The following CDK13 variants were observed in gnomAD, a reference collection of about 807,000 sequenced individuals.
The protein encoded by CDK13 is cyclin-dependent kinase 13.
In CDK13, 40 loss-of-function variants were observed where a neutral mutation model predicts 137.6. The observed-to-expected ratio is 0.29, with a 90% CI of 0.23 to 0.38. The LOEUF (loss-of-function observed/expected upper bound fraction) is 0.38, where lower values mean the gene tolerates loss of function less well. CDK13 is among the 10% of genes least tolerant of loss of function. The pLI is 1.00. For synonymous variants in CDK13, 869 were observed against 760.1 expected, an observed-to-expected ratio of 1.14 and a Z score of -2.36; for missense variants, 1,704 against 1,951.8, an observed-to-expected ratio of 0.87 and a Z score of 2.39.
At chr7:40,004,426 C>T (rs550702371) in intron 5 of CDK13, among the ~76,000 whole-genome samples, 1 of 152,274 alleles carries the variant, frequency 6.6e-6, no homozygotes, top group African/African-American at 2.4e-5. Context: ...TGAGAAGTTA[C>T]ATGTAGGTAC....
rs1355449485 is a variant in CDK13 at position 40,089,717 on chromosome 7, A to T, written c.3235+1386A>T. On this transcript the variant is annotated intron_variant, in intron 12 of 13. Coordinates refer to ENST00000181839, the MANE Select transcript of CDK13 (RefSeq NM_003718.5). The stretch of plus-strand genomic sequence containing the variant: ...ATAAAATAGAGAGAGAGAGAGAGAG[A>T]GAGAGAGTGTGTGTGTGTGTGTGTG... 2.2e-3 allele frequency among the ~76,000 whole-genome samples: 315 copies of T among 143,044 alleles called. 2 individuals are homozygous for T. Among genetic ancestry groups the T allele is most frequent in the African/African-American group, 8.5e-3 (302 of 35,430 alleles). 93.8% of individuals were successfully genotyped at this position (143,044 alleles called of 152,430 possible). A position where few individuals can be genotyped will look rare whatever the true frequency, so the allele number is the denominator to read the frequency against.
chr7:40,013,801 C>CGATA (rs1784945855), intron 5 of CDK13, among the ~76,000 whole-genome samples: 1 of 151,930 alleles, frequency 6.6e-6, no homozygotes, highest in Admixed American at 6.6e-5. Context: ...AGGAAAAAAA[C>CGATA]GATAACTAGC....
At chr7:40,004,601 T>G (rs1016291864) in intron 5 of CDK13, among the ~76,000 whole-genome samples, 2 of 152,220 alleles carry the variant, frequency 1.3e-5, no homozygotes, top group Non-Finnish European at 2.9e-5. Flanking sequence ...GCTAGCTGTA[T>G]GACATTACAC....
intron 5 of CDK13, among the ~76,000 whole-genome samples, chr7:40,005,903 A>G (rs1239678222): frequency 6.6e-6 from 1 of 151,832 alleles, no homozygotes; most frequent in Non-Finnish European, 1.5e-5. Flanking sequence ...TTAAAAAGTG[A>G]TTTGTAGAGA....
At chr7:40,049,749 C>T (rs1288999619) in intron 7 of CDK13, among the ~76,000 whole-genome samples, 1 of 152,040 alleles carries the variant, frequency 6.6e-6, no homozygotes, top group African/African-American at 2.4e-5. Context: ...CTCCCTATGC[C>T]CCGTATCTGG....
rs557370672 is a variant in CDK13 at position 40,056,023 on chromosome 7, A to G, written c.2601-6803A>G. ...TTGTCTTTACATTTGTAAACGGTTA[A>G]CGGGATTTAATATTAGCATCCTAAT... On this transcript the variant is annotated intron_variant, in intron 7 of 13. Transcript: ENST00000181839. Among the ~76,000 whole-genome samples, 3 of 152,346 alleles carry G rather than the reference A, an allele frequency of 2.0e-5. No individual in the cohort carries two copies. In the South Asian group the frequency reaches 6.2e-4, roughly 32 times the overall value.
intron 5 of CDK13, among the ~76,000 whole-genome samples, chr7:40,012,313 T>C (rs1046795576): frequency 3.3e-5 from 5 of 152,246 alleles, no homozygotes; most frequent in African/African-American, 1.2e-4. Context: ...AAAAGAATTG[T>C]CATTAGGTGT....
chr7:40,099,461 G>A lies in CDK13; in HGVS notation c.*4481G>A, dbSNP rs745794843. The A allele has an allele frequency of 1.3e-4, 20 of 152,218 alleles. No individual in the cohort carries two copies. The highest frequency in any genetic ancestry group is 2.9e-4 in the African/African-American group (12 of 41,556). 9.4% of individuals were successfully genotyped at this position (152,218 alleles called of 1,614,324 possible). ...AAGTGTTGTACTCTCTTGCAAGAAC[G>A]TTTAAAAGTTAAGTCTTGTAACTGT... On this transcript the variant is annotated 3_prime_UTR_variant, in exon 14 of 14. Coordinates refer to ENST00000181839, the MANE Select transcript of CDK13 (RefSeq NM_003718.5).
At chr7:40,078,644 A>G in intron 10 of CDK13, 76 bp from the exon 11 acceptor site, 1 of 883,352 alleles carries the variant, frequency 1.1e-6, no homozygotes. Flanking sequence ...TTTAATTAAA[A>G]ATAATTTAAG....
Position 40,095,552 on chromosome 7 carries a change from A to AAC in CDK13, c.*573_*574insCA, listed in dbSNP as rs1742709459. 6.6e-6 allele frequency: 1 copy of AAC among 152,044 alleles called. No homozygotes were observed. The highest frequency in any genetic ancestry group is 2.1e-4 in the South Asian group (1 of 4,810). The allele number at this position is 152,044 out of a possible 1,614,324, so 9.4% of individuals were successfully genotyped here. A position where few individuals can be genotyped will look rare whatever the true frequency, so the allele number is the denominator to read the frequency against. On this transcript the variant is annotated 3_prime_UTR_variant, in exon 14 of 14. Coordinates refer to ENST00000181839, the MANE Select transcript of CDK13 (RefSeq NM_003718.5). ...TCTTGATGCAACAGTTTTATAAAAA[A>AAC]AAAAATGGTCAACGTTATTTTTGTT...
chr7:39,990,707 A>G (rs767294509), intron 2 of CDK13, among the ~76,000 whole-genome samples: 4 of 152,194 alleles, frequency 2.6e-5, no homozygotes, highest in African/African-American at 7.2e-5. Flanking sequence ...TACTCTCATG[A>G]GTTAATCTTT....
At chr7:39,974,765 T>C (rs1784071184) in intron 1 of CDK13, among the ~76,000 whole-genome samples, 2 of 152,142 alleles carry the variant, frequency 1.3e-5, no homozygotes, top group Admixed American at 1.3e-4. Flanking sequence ...GGTTTTGCCA[T>C]GTTGGTCAGG....
At chr7:40,075,412 T>A (rs1278162280) in intron 9 of CDK13, among the ~76,000 whole-genome samples, 1 of 152,126 alleles carries the variant, frequency 6.6e-6, no homozygotes, top group Non-Finnish European at 1.5e-5. Flanking sequence ...AATTCGGTAC[T>A]CAGATATCTT....
At chr7:40,047,936 TAAG>T (rs1274501846) in intron 7 of CDK13, 59 bp downstream of exon 7, 3 of 1,010,822 alleles carry the variant, frequency 3.0e-6, no homozygotes, top group Non-Finnish European at 4.6e-6. Context: ...GAAGCTATAC[TAAG>T]AATACCTTAT....
At chr7:40,066,494 C>T (rs546045339) in intron 9 of CDK13, among the ~76,000 whole-genome samples, 1 of 152,258 alleles carries the variant, frequency 6.6e-6, no homozygotes, top group African/African-American at 2.4e-5. Context: ...GTATGCTGAA[C>T]AGGAGGTAGT....
rs1184902539 is a variant in CDK13 at position 40,010,076 on chromosome 7, A to C, written c.2353+8045A>C. Among the ~76,000 whole-genome samples the C allele has an allele frequency of 3.3e-5, 5 of 152,228 alleles. No individual in the cohort carries two copies. The East Asian group carries it at 5.8e-4, about 18-fold the overall frequency. On this transcript the variant is annotated intron_variant, in intron 5 of 13. Coordinates refer to ENST00000181839, the MANE Select transcript of CDK13 (RefSeq NM_003718.5). ...GGTGGGGATGGTTTTGGGGTGATTC[A>C]AGCACGTTAGATTTATCGTGTACTT...
At chr7:40,014,388 A>AT (rs1340360239) in intron 5 of CDK13, among the ~76,000 whole-genome samples, 1 of 147,254 alleles carries the variant, frequency 6.8e-6, no homozygotes, top group East Asian at 2.0e-4. Context: ...TTTAATACAC[A>AT]TTTTTTAATT....
At chr7:40,030,261 GTA>G (rs1247848274) in intron 5 of CDK13, among the ~76,000 whole-genome samples, 238 of 143,196 alleles carry the variant, frequency 1.7e-3, no homozygotes, top group Middle Eastern at 6.9e-3. Context: ...ATGTGTGTGT[GTA>G]TATATATATA....
chr7:40,012,759 A>G (rs1403490479), intron 5 of CDK13, among the ~76,000 whole-genome samples: 5 of 152,020 alleles, frequency 3.3e-5, no homozygotes, highest in African/African-American at 9.7e-5. Flanking sequence ...TAAAAATACA[A>G]AAATCAGCTG....
Sources: gnomAD v4.1 joint callset for allele counts (sites outside exome capture counted in the v4.1 genomes callset) on GRCh38, gnomAD v4.1.1 for gene constraint, MANE v1.5 for transcripts, NCBI Gene and HGNC (gene_info 2026-07-23, HGNC 2026-07-21) for gene names.